Variants in GLTP observed in about 807,000 individuals in gnomAD.
The protein encoded by GLTP is glycolipid transfer protein.
A neutral mutation model predicts 24.0 loss-of-function variants in GLTP; 22 were observed. The observed-to-expected ratio is 0.92, with a 90% confidence interval of 0.65 to 1.31. The LOEUF is 1.31. Ranked by LOEUF, GLTP falls within the 50% of genes most tolerant of loss-of-function variation. The pLI, the probability that GLTP is intolerant of heterozygous loss-of-function variation, is 0.00. For synonymous variants in GLTP, 92 were observed against 115.9 expected, an observed-to-expected ratio of 0.79 and a Z score of 1.33; for missense variants, 224 against 276.6, an observed-to-expected ratio of 0.81 and a Z score of 1.35.
chr12:109,858,687 A>T lies in GLTP; in HGVS notation c.158T>A (p.Ile53Asn), dbSNP rs753176475. Residue 53 changes from isoleucine (I) to asparagine (N), a missense_variant, in exon 2 of 5, where the codon ATC becomes AAC. Ile to Asn is a moderately radical substitution (Grantham distance 149, BLOSUM62 -3). Coordinates refer to ENST00000318348, the MANE Select transcript of GLTP (RefSeq NM_016433.4). Reference sequence around the variant, plus strand: ...GCTGCCCGGCCAGGTACATACCGTGATGTTGCCGCTTATGTCTGCCTTGAT... The same window carrying T: ...GCTGCCCGGCCAGGTACATACCGTGTTGTTGCCGCTTATGTCTGCCTTGAT... ...TPIKADISGN[I>N]TKIKAVYDTN... 5 of 1,612,332 alleles carry T rather than the reference A, an allele frequency of 3.1e-6. No homozygotes were observed. Among genetic ancestry groups the T allele is most frequent in the Non-Finnish European group, 4.2e-6 (5 of 1,178,380 alleles).
chr12:109,855,660 G>T lies in GLTP; in HGVS notation c.406C>A (p.Leu136Ile). The T allele has an allele frequency of 6.2e-7, 1 of 1,602,792 alleles. No individual in the cohort carries two copies. Among genetic ancestry groups the T allele is most frequent in the Non-Finnish European group, 8.5e-7 (1 of 1,174,834 alleles). Residue 136 changes from leucine to isoleucine, a missense_variant, in exon 4 of 5, where the codon CTC (leucine) becomes ATC (isoleucine). Leu to Ile is a conservative substitution (Grantham distance 5). Transcript: ENST00000318348. This position sits in a 1 kb window ranked among gnomAD's most constrained non-coding sequence, Gnocchi z 4.1. ...ACGATCCAGCCATGGTACTTCTTGA[G>T]GGCCATCTCGTAGGCCTTGGTGGCG... ...VNATKAYEMA[L>I]KKYHGWIVQK...
chr12:109,878,765 T>A (rs1298654984), intron 1 of GLTP, among the ~76,000 whole-genome samples: 3 of 152,222 alleles, frequency 2.0e-5, no homozygotes, highest in East Asian at 3.8e-4. Flanking sequence ...TGACTGAGCA[T>A]CTGCTATGTG....
intron 3 of GLTP, among the ~76,000 whole-genome samples, chr12:109,856,201 G>A (rs1892793409): frequency 6.6e-6 from 1 of 152,168 alleles, no homozygotes; most frequent in South Asian, 2.1e-4. Context: ...GGCCCCGCGT[G>A]TACCAGGCTT....
At position 109,855,784 on chromosome 12, in the gene GLTP, G is replaced by T. The variant is rs199730432; in HGVS notation, c.297-15C>A. The T allele has an allele frequency of 2.1e-5, 33 of 1,570,972 alleles. No homozygotes were observed. Among genetic ancestry groups the T allele is most frequent in the Admixed American group, 3.8e-5 (2 of 52,962 alleles). ...AGCGGAGGCCTCTGTGGCCCAGGGA[G>T]GAGAAGGTTCGTTAGGACCCTGCAC... On this transcript the variant is annotated splice_polypyrimidine_tract_variant and intron_variant, in intron 3 of 4. Coordinates refer to ENST00000318348, the MANE Select transcript of GLTP (RefSeq NM_016433.4). This position sits in a 1 kb window ranked among gnomAD's most constrained non-coding sequence, Gnocchi z 4.1.
At position 109,852,680 on chromosome 12, in the gene GLTP, G is replaced by T; in HGVS notation, c.505C>A (p.Gln169Lys). ...AGGCACTCCTCCTCCGTAACATTCTGCCCCTTGGAGAGCGCTTTCAGGAAG... is the reference window on the plus strand; with the variant it reads ...AGGCACTCCTCCTCCGTAACATTCTTCCCCTTGGAGAGCGCTTTCAGGAAG... ...SDFLKALSKG[Q>K]NVTEEECLEK... Residue 169 changes from glutamine to lysine, a missense_variant, in exon 5 of 5, where the codon CAG becomes AAG. Coordinates refer to ENST00000318348, the MANE Select transcript of GLTP (RefSeq NM_016433.4). 6.2e-7 allele frequency: 1 copy of T among 1,611,232 alleles called. No individual in the cohort carries two copies. The highest frequency in any genetic ancestry group is 8.5e-7 in the Non-Finnish European group (1 of 1,177,376).
intron 1 of GLTP, among the ~76,000 whole-genome samples, chr12:109,869,456 C>CTTTT (rs1218490016): frequency 7.0e-5 from 8 of 115,040 alleles, no homozygotes; most frequent in African/African-American, 1.3e-4. Context: ...TGGGAAAATT[C>CTTTT]TTTTTTTTTT....
chr12:109,857,760 T>C lies in GLTP; in HGVS notation c.163-101A>G. On this transcript the variant is annotated intron_variant, in intron 2 of 4. Coordinates refer to ENST00000318348, the MANE Select transcript of GLTP (RefSeq NM_016433.4). This position sits in a 1 kb window ranked among gnomAD's most constrained non-coding sequence, Gnocchi z 4.3. ...GCACCCTACCGGCATCTCCTGCTCC[T>C]TCCTGCCCTCCAGGAACAGCAGGGA... 2 of 1,167,232 alleles carry C rather than the reference T, an allele frequency of 1.7e-6. No homozygotes were observed. Among genetic ancestry groups the C allele is most frequent in the Non-Finnish European group, 1.3e-6 (1 of 775,872 alleles). The allele number at this position is 1,167,232 out of a possible 1,614,324, so 72.3% of individuals were successfully genotyped here. A position where few individuals can be genotyped will look rare whatever the true frequency, so the allele number is the denominator to read the frequency against.
Position 109,865,582 on chromosome 12 carries a change from T to A in GLTP, c.104-6841A>T, listed in dbSNP as rs1430995140. Among the ~76,000 whole-genome samples, 3 of 151,210 alleles carry A rather than the reference T, an allele frequency of 2.0e-5. No homozygotes were observed. The East Asian group carries it at 5.8e-4, about 29-fold the overall frequency. On this transcript the variant is annotated intron_variant, in intron 1 of 4. Transcript: ENST00000318348. ...GGCGGAGGTTACAGTGAGTTGAGAT[T>A]GCGCGTGAGATTCTGTTTGAAAAAA...
chr12:109,857,998 C>G lies in GLTP; in HGVS notation c.163-339G>C. The stretch of plus-strand genomic sequence containing the variant: ...TCATGTTCTCCAGCCACTACTGACA[C>G]TGCCTCAGACACCAAGTATCTGAAG... On this transcript the variant is annotated intron_variant, in intron 2 of 4. Coordinates refer to ENST00000318348, the MANE Select transcript of GLTP (RefSeq NM_016433.4). The surrounding 1 kb of genome is among the most constrained non-coding windows in gnomAD (Gnocchi z 4.3). 2 of 431,044 alleles carry G rather than the reference C, an allele frequency of 4.6e-6. No individual in the cohort carries two copies. Among genetic ancestry groups the G allele is most frequent in the South Asian group, 3.7e-5 (2 of 53,522 alleles). The allele number at this position is 431,044 out of a possible 1,614,324, so 26.7% of individuals were successfully genotyped here.
chr12:109,877,134 G>A (rs546321440), intron 1 of GLTP, among the ~76,000 whole-genome samples: 11 of 152,316 alleles, frequency 7.2e-5, no homozygotes, highest in East Asian at 5.8e-4. Context: ...GATTACAGGC[G>A]TGAGCCACCG....
chr12:109,858,808 C>T, intron 1 of GLTP, 67 bp from the exon 2 acceptor site: 2 of 1,037,462 alleles, frequency 1.9e-6, no homozygotes, highest in Non-Finnish European at 3.1e-6. Context: ...CCACCGCAGG[C>T]CATGGGGACA....
intron 1 of GLTP, among the ~76,000 whole-genome samples, chr12:109,869,534 C>A (rs1468525691): frequency 6.9e-6 from 1 of 145,894 alleles, no homozygotes; most frequent in African/African-American, 2.5e-5. Context: ...CGGCTCACTG[C>A]AATCTCCAAC....
At chr12:109,864,924 C>T (rs1346156296) in intron 1 of GLTP, among the ~76,000 whole-genome samples, 3 of 152,186 alleles carry the variant, frequency 2.0e-5, no homozygotes, top group Non-Finnish European at 4.4e-5. Context: ...TCTAGGCTCA[C>T]TGCAACCTCC....
intron 2 of GLTP, 41 bp downstream of exon 2, chr12:109,858,642 A>G: frequency 6.6e-7 from 1 of 1,512,340 alleles, no homozygotes; most frequent in Non-Finnish European, 9.2e-7. Context: ...TTAGATTCCT[A>G]ACGCAAGTCT....
chr12:109,872,481 C>A (rs931783595), intron 1 of GLTP, among the ~76,000 whole-genome samples: 1 of 152,158 alleles, frequency 6.6e-6, no homozygotes, highest in Non-Finnish European at 1.5e-5. Flanking sequence ...GACTTCTCCC[C>A]TCTGAGCCTC....
intron 1 of GLTP, among the ~76,000 whole-genome samples, chr12:109,865,715 G>A (rs1868504078): frequency 6.6e-6 from 1 of 152,050 alleles, no homozygotes; most frequent in Non-Finnish European, 1.5e-5. Context: ...GATTACAGGC[G>A]TGAGCCGCCA....
chr12:109,868,356 C>T (rs1442942839), intron 1 of GLTP, among the ~76,000 whole-genome samples: 1 of 152,116 alleles, frequency 6.6e-6, no homozygotes, highest in Non-Finnish European at 1.5e-5. Flanking sequence ...CAGTACTGGT[C>T]GTTATGCTCT....
At chr12:109,875,236 G>A (rs764370152) in intron 1 of GLTP, among the ~76,000 whole-genome samples, 17 of 152,186 alleles carry the variant, frequency 1.1e-4, no homozygotes, top group Non-Finnish European at 2.4e-4. Flanking sequence ...GGGAGTCTAA[G>A]AGAGTTAGGA....
In GLTP at chr12:109,852,373, C is replaced by CAAAAAAAAAAAAAAAAAAAAAAAGACA. The variant is rs56313678; in HGVS notation, c.*181_*182insTGTCTTTTTTTTTTTTTTTTTTTTTTT. The CAAAAAAAAAAAAAAAAAAAAAAAGACA allele has an allele frequency of 3.8e-6, 1 of 265,444 alleles. No homozygotes were observed. The highest frequency in any genetic ancestry group is 6.9e-6 in the Non-Finnish European group (1 of 145,650). The allele number at this position is 265,444 out of a possible 1,614,324, so 16.4% of individuals were successfully genotyped here. A position where few individuals can be genotyped will look rare whatever the true frequency, so the allele number is the denominator to read the frequency against. On this transcript the variant is annotated 3_prime_UTR_variant, in exon 5 of 5. Transcript: ENST00000318348. ...TATTTACTGGTCCTTTAGAATAGAC[C>CAAAAAAAAAAAAAAAAAAAAAAAGACA]AAAAAAAAAAAAAAAAAAGACTTAA...
Sources: gnomAD v4.1 joint callset for allele counts (sites outside exome capture counted in the v4.1 genomes callset) on GRCh38, gnomAD v4.1.1 for gene constraint, Gnocchi (gnomAD v3.1) non-coding constraint, MANE v1.5 for transcripts, NCBI Gene and HGNC (gene_info 2026-07-23, HGNC 2026-07-21) for gene names.